R3HDM1: variants seen among roughly 807,000 people sequenced by gnomAD.
R3HDM1 encodes the protein R3H domain containing 1.
Under a neutral mutation model 141.1 loss-of-function variants are expected in R3HDM1, and 46 were observed. The ratio of observed to expected loss-of-function variants is 0.33; its 90% CI spans 0.26 to 0.42. The LOEUF is 0.42. R3HDM1 is among the 10% of genes least tolerant of loss of function. The probability of loss-of-function intolerance (pLI) is 1.00; values close to 1 mark genes in which losing one functional copy is unlikely to be tolerated. For synonymous variants in R3HDM1, 435 were observed against 472.9 expected, an observed-to-expected ratio of 0.92 and a Z score of 1.04; for missense variants, 1,184 against 1,368.3, an observed-to-expected ratio of 0.87 and a Z score of 2.12.
chr2:135,670,138 C>CAAA (rs869047478), intron 19 of R3HDM1: 110 of 97,466 alleles, frequency 1.1e-3, no homozygotes, highest in Non-Finnish European at 1.7e-3. Flanking sequence ...GACTCAGTCT[C>CAAA]AAAAAAAAAA....
At chr2:135,690,978 G>A (rs371564515) in intron 21 of R3HDM1, among the ~76,000 whole-genome samples, 139 of 152,244 alleles carry the variant, frequency 9.1e-4, no homozygotes, top group Middle Eastern at 3.4e-3. Context: ...TGATCACACC[G>A]AGTATTTGTG....
At chr2:135,611,499 G>A (rs1292102745) in intron 3 of R3HDM1, among the ~76,000 whole-genome samples, 6 of 152,122 alleles carry the variant, frequency 3.9e-5, no homozygotes, top group South Asian at 4.1e-4. Flanking sequence ...GCAATAACAC[G>A]ATTCTATGGC....
At chr2:135,559,101 G>A (rs553604623) in intron 1 of R3HDM1, 83 of 912,050 alleles carry the variant, frequency 9.1e-5, no homozygotes, top group Middle Eastern at 5.9e-4. Context: ...GTGCATGCGT[G>A]TGTGTGTGTG....
intron 3 of R3HDM1, among the ~76,000 whole-genome samples, chr2:135,614,364 A>G (rs1216239088): frequency 6.6e-6 from 1 of 152,178 alleles, no homozygotes. Flanking sequence ...TAATAAGCAG[A>G]GGCAGCACAT....
intron 1 of R3HDM1, among the ~76,000 whole-genome samples, chr2:135,557,299 G>A (rs192837459): frequency 4.9e-4 from 74 of 151,334 alleles, no homozygotes; most frequent in African/African-American, 1.7e-3. Context: ...CATATTTAAC[G>A]TAAGTATATC....
intron 20 of R3HDM1, among the ~76,000 whole-genome samples, chr2:135,676,170 A>G (rs12477421): frequency 0.18 from 27,487 of 152,122 alleles, 3,058 homozygotes; most frequent in East Asian, 0.44. Context: ...TACTAAAAAC[A>G]CAAAAAATAG....
chr2:135,633,454 C>T (rs2062918201), intron 9 of R3HDM1, among the ~76,000 whole-genome samples: 1 of 152,122 alleles, frequency 6.6e-6, no homozygotes, highest in Non-Finnish European at 1.5e-5. Context: ...TGAATGATGT[C>T]AAAAAGCTTT....
intron 3 of R3HDM1, chr2:135,607,449 A>G: frequency 3.1e-6 from 2 of 635,106 alleles, no homozygotes; most frequent in South Asian, 1.4e-4. Context: ...TCATCTAAGA[A>G]ATTGGGAGAA....
At chr2:135,602,305 G>A (rs956501163) in intron 1 of R3HDM1, among the ~76,000 whole-genome samples, 195 bp from the exon 2 acceptor site, 4 of 151,378 alleles carry the variant, frequency 2.6e-5, no homozygotes, top group Non-Finnish European at 4.4e-5. Flanking sequence ...CAATCCTCTC[G>A]GCCTCAGTGA....
chr2:135,673,133 A>G (rs2068652086), intron 19 of R3HDM1, among the ~76,000 whole-genome samples: 1 of 152,102 alleles, frequency 6.6e-6, no homozygotes, highest in Middle Eastern at 3.2e-3. Flanking sequence ...ATAAGATACC[A>G]TTGGAAATTT....
intron 19 of R3HDM1, chr2:135,669,389 A>G: frequency 1.0e-6 from 1 of 984,942 alleles, no homozygotes; most frequent in Non-Finnish European, 1.2e-6. Flanking sequence ...ACTCACCAAT[A>G]AATCTTTAGT....
chr2:135,602,478 G>A (rs779306073), intron 1 of R3HDM1, 22 bp from the exon 2 acceptor site: 2 of 1,251,328 alleles, frequency 1.6e-6, no homozygotes, highest in Non-Finnish European at 2.0e-6. Context: ...TGTTAAAATG[G>A]TTTCTTTTGT....
At chr2:135,644,363 C>T (rs1204207550) in intron 15 of R3HDM1, among the ~76,000 whole-genome samples, 1 of 151,684 alleles carries the variant, frequency 6.6e-6, no homozygotes, top group Non-Finnish European at 1.5e-5. Context: ...ATTAGCCGGG[C>T]GTGGTGGCAG....
intron 21 of R3HDM1, among the ~76,000 whole-genome samples, chr2:135,699,205 G>A (rs536573387): frequency 6.6e-6 from 1 of 152,262 alleles, no homozygotes; most frequent in South Asian, 2.1e-4. Flanking sequence ...GGGAGGAGAG[G>A]AATTGAAGAC....
intron 17 of R3HDM1, chr2:135,650,880 A>G (rs1426347187): frequency 1.0e-6 from 1 of 985,256 alleles, no homozygotes; most frequent in Non-Finnish European, 1.2e-6. Context: ...CATTTTTTTC[A>G]GTGTTGACCT....
intron 18 of R3HDM1, among the ~76,000 whole-genome samples, chr2:135,659,245 G>A (rs1358261765): frequency 3.3e-5 from 5 of 151,784 alleles, no homozygotes; most frequent in Non-Finnish European, 7.4e-5. Flanking sequence ...CTACAGACAC[G>A]CACATCACAC....
rs1471168452 is a variant in R3HDM1, at chr2:135,535,291, C to T, written c.-250+3658C>T. Among the ~76,000 whole-genome samples, 4 of 152,028 alleles carry T rather than the reference C, an allele frequency of 2.6e-5. No individual in the cohort carries two copies. The East Asian group carries it at 7.7e-4, about 29-fold the overall frequency. ...CGAGGCAGGCAGATCACAAGGTCAG[C>T]AGTTCGAGACCAGCCTGGCCAGTAT... On this transcript the variant is annotated intron_variant, in intron 1 of 26. Coordinates refer to ENST00000683871, the MANE Select transcript of R3HDM1 (RefSeq NM_001378107.1).
intron 9 of R3HDM1, among the ~76,000 whole-genome samples, chr2:135,634,141 TC>T (rs1254917883): frequency 1.3e-5 from 2 of 152,216 alleles, no homozygotes; most frequent in Non-Finnish European, 2.9e-5. Flanking sequence ...AAGCTGTTTT[TC>T]GTCTTCCTAT....
intron 23 of R3HDM1, among the ~76,000 whole-genome samples, chr2:135,712,718 G>A (rs889930315): frequency 1.5e-4 from 23 of 151,376 alleles, no homozygotes; most frequent in East Asian, 3.9e-4. Flanking sequence ...TCAGGAGATC[G>A]AGACCATCCT....
Sources: allele counts gnomAD v4.1 joint callset (sites outside exome capture counted in the v4.1 genomes callset), GRCh38; gene constraint gnomAD v4.1.1; transcripts MANE v1.5; gene names NCBI Gene and HGNC (gene_info 2026-07-23, HGNC 2026-07-21).